Variants in PPIG observed in about 807,000 individuals in gnomAD.
PPIG encodes peptidyl-prolyl cis-trans isomerase G.
PPIG carries 26 observed loss-of-function variants against 87.9 expected under a neutral mutation model. The observed-to-expected ratio is 0.30, with a 90% confidence interval of 0.22 to 0.41. The LOEUF is 0.41. Among genes scored for constraint, PPIG ranks in the 10% least tolerant of loss-of-function variants. The pLI is 1.00. For synonymous variants in PPIG, 308 were observed against 276.5 expected (o/e 1.11, Z -1.13); for missense variants, 722 against 879.4 (o/e 0.82, Z 2.26).
At chr2:169,622,271 AAAG>A (rs1685778822) in intron 9 of PPIG, among the ~76,000 whole-genome samples, 1 of 152,250 alleles carries the variant, frequency 6.6e-6, no homozygotes, top group African/African-American at 2.4e-5. Flanking sequence ...AAATAAAAAA[AAAG>A]AAGTTTGCAT....
At chr2:169,622,610 A>G (rs1202327072) in intron 9 of PPIG, among the ~76,000 whole-genome samples, 1 of 152,190 alleles carries the variant, frequency 6.6e-6, no homozygotes, top group South Asian at 2.1e-4. Context: ...GTATCTGCCC[A>G]GGAGTTTCTA....
At chr2:169,600,366 C>T (rs896041394) in intron 1 of PPIG, among the ~76,000 whole-genome samples, 2 of 152,174 alleles carry the variant, frequency 1.3e-5, no homozygotes, top group Admixed American at 6.6e-5. Context: ...TGAGCCACTG[C>T]TCCCAGCCTC....
chr2:169,631,830 G>C lies in PPIG; in HGVS notation c.826G>C (p.Glu276Gln), dbSNP rs369110191. ...ACCCCAGTCTACTGTCCGTCCAGAA[G>C]AGATCCCTCCTATACCTGAAAATAG... ...AQPQSTVRPE[E>Q]IPPIPENRFL... is the part of the protein sequence containing the mutation. The change falls in exon 11 of 14, where the codon GAG becomes CAG. Residue 276 changes from glutamate (E) to glutamine (Q), a missense_variant. Glu to Gln is a conservative substitution (Grantham distance 29). Around this residue, in one of 4 missense-constraint regions of PPIG, gnomAD observed 142 missense variants for 152.8 expected, o/e 0.93. Transcript: ENST00000260970. 3 of 1,613,798 alleles carry C rather than the reference G, an allele frequency of 1.9e-6. No individual in the cohort carries two copies. Among genetic ancestry groups the C allele is most frequent in the African/African-American group, 2.7e-5 (2 of 75,014 alleles).
chr2:169,633,175 C>T lies in PPIG; in HGVS notation c.945C>T (p.Ser315=). Residue 315 remains serine, a synonymous_variant, in exon 12 of 14, where the codon TCC becomes TCT. Coordinates refer to ENST00000260970, the MANE Select transcript of PPIG (RefSeq NM_004792.3). ...TTCCTTCTAGTAATCCACCTAACTC[C>T]CAGCCTGCTTCATACCAGAGACGAC... is the stretch of plus-strand genomic sequence containing the variant. ...ERERECNPPN[S]QPASYQRRLL... 1 of 1,609,074 alleles carries T rather than the reference C, an allele frequency of 6.2e-7. No homozygotes were observed. The highest frequency in any genetic ancestry group is 8.5e-7 in the Non-Finnish European group (1 of 1,176,650).
chr2:169,620,313 A>G (rs1685711421), intron 9 of PPIG, among the ~76,000 whole-genome samples: 1 of 152,104 alleles, frequency 6.6e-6, no homozygotes, highest in Non-Finnish European at 1.5e-5. Flanking sequence ...TAGTTGTTCC[A>G]ACACCGTTTA....
chr2:169,609,081 C>CAAA (rs577846491), intron 7 of PPIG, among the ~76,000 whole-genome samples: 1 of 105,854 alleles, frequency 9.4e-6, no homozygotes. Flanking sequence ...AAGACTGTCT[C>CAAA]AAAAAAAAAA....
intron 9 of PPIG, among the ~76,000 whole-genome samples, chr2:169,620,363 A>G (rs753275407): frequency 2.6e-5 from 4 of 151,662 alleles, no homozygotes; most frequent in African/African-American, 9.7e-5. Context: ...GTTCTTGGCA[A>G]TTTTGTTTTT....
Position 169,611,972 on chromosome 2 carries a change from C to CTATT in PPIG, c.378-2474_378-2471dup, listed in dbSNP as rs199977660. On this transcript the variant is annotated intron_variant, in intron 7 of 13. Coordinates refer to ENST00000260970, the MANE Select transcript of PPIG (RefSeq NM_004792.3). ...GTGTACAATTCAGTCTTGTTTATAG[C>CTATT]TATTTATTTATTTATTTATTTGAGA... is the stretch of plus-strand genomic sequence containing the variant. Among the ~76,000 whole-genome samples, 1,386 of 152,006 alleles carry CTATT rather than the reference C, an allele frequency of 9.1e-3. 7 individuals carry two copies. The highest frequency in any genetic ancestry group is 0.018 in the African/African-American group (730 of 41,496).
At chr2:169,591,281 G>A (rs1475535412) in intron 1 of PPIG, among the ~76,000 whole-genome samples, 3 of 151,998 alleles carry the variant, frequency 2.0e-5, no homozygotes, top group African/African-American at 7.3e-5. Context: ...ACATGAACTG[G>A]TTACCTCTTA....
intron 1 of PPIG, among the ~76,000 whole-genome samples, chr2:169,589,762 A>G (rs1684808416): frequency 1.3e-5 from 2 of 152,198 alleles, no homozygotes; most frequent in African/African-American, 4.8e-5. Context: ...TACTGGTGGT[A>G]GGTTCTGGGA....
chr2:169,587,179 C>T (rs1220758101), intron 1 of PPIG, among the ~76,000 whole-genome samples: 3 of 152,036 alleles, frequency 2.0e-5, no homozygotes, highest in African/African-American at 2.4e-5. Flanking sequence ...GTAATCCATC[C>T]GCCTCCGCCT....
At position 169,639,301 on chromosome 2, in the gene PPIG, T is replaced by A. The variant is rs1022818229; in HGVS notation, c.*1778T>A. 4.6e-5 allele frequency: 7 copies of A among 152,106 alleles called. No homozygotes were observed. The highest frequency in any genetic ancestry group is 1.7e-4 in the African/African-American group (7 of 41,452). The allele number at this position is 152,106 out of a possible 1,614,324, so 9.4% of individuals were successfully genotyped here. On this transcript the variant is annotated 3_prime_UTR_variant, in exon 14 of 14. Transcript: ENST00000260970. The stretch of plus-strand genomic sequence containing the variant: ...CCAAGCTATATAACGTTATGTAGTT[T>A]AAGCAAGTTATTGTTTGTCTTAATT...
intron 9 of PPIG, among the ~76,000 whole-genome samples, chr2:169,623,153 G>A (rs1293004602): frequency 6.6e-6 from 1 of 152,098 alleles, no homozygotes; most frequent in Non-Finnish European, 1.5e-5. Context: ...ATGCAGAGAT[G>A]GAACACTGGA....
intron 9 of PPIG, among the ~76,000 whole-genome samples, chr2:169,616,952 GT>G (rs1251966975): frequency 3.9e-5 from 6 of 152,138 alleles, no homozygotes; most frequent in African/African-American, 1.4e-4. Flanking sequence ...TATTGCCTAG[GT>G]TTTATTCTAG....
At chr2:169,609,803 G>A (rs758728233) in intron 7 of PPIG, among the ~76,000 whole-genome samples, 46 of 152,132 alleles carry the variant, frequency 3.0e-4, no homozygotes, top group Non-Finnish European at 5.4e-4. Flanking sequence ...ACTGACCCAG[G>A]CAAGAATCTT....
chr2:169,605,527 G>T (rs1301012229), intron 4 of PPIG, among the ~76,000 whole-genome samples: 1 of 151,626 alleles, frequency 6.6e-6, no homozygotes, highest in Non-Finnish European at 1.5e-5. Context: ...GAGGCCAAGT[G>T]TGGTGGCCCA....
intron 9 of PPIG, among the ~76,000 whole-genome samples, chr2:169,630,458 C>T (rs1686013695): frequency 6.6e-6 from 1 of 152,186 alleles, no homozygotes; most frequent in Non-Finnish European, 1.5e-5. Context: ...AAGATTAGAA[C>T]ATGGGACTCT....
rs546698847 is a variant in PPIG at position 169,640,309 on chromosome 2, A to T, written c.*2786A>T. 3.9e-5 allele frequency: 6 copies of T among 152,324 alleles called. No individual in the cohort carries two copies. In the East Asian group the frequency reaches 1.2e-3, roughly 29 times the overall value. 9.4% of individuals were successfully genotyped at this position (152,324 alleles called of 1,614,324 possible). On this transcript the variant is annotated 3_prime_UTR_variant, in exon 14 of 14. Coordinates refer to ENST00000260970, the MANE Select transcript of PPIG (RefSeq NM_004792.3). ...GACCTTTGATATTTGTGCCTAGTGGAAGGTATGGAGCTAAACAATTAAAGA... is the reference window on the plus strand; with the variant it reads ...GACCTTTGATATTTGTGCCTAGTGGTAGGTATGGAGCTAAACAATTAAAGA...
At chr2:169,603,904 T>C in intron 2 of PPIG, 122 bp from the exon 3 acceptor site, 3 of 748,524 alleles carry the variant, frequency 4.0e-6, no homozygotes, top group Non-Finnish European at 6.5e-6. Flanking sequence ...CTCATAGAAA[T>C]AAATATCAAA....
Sources: allele counts gnomAD v4.1 joint callset (sites outside exome capture counted in the v4.1 genomes callset), GRCh38; gene constraint gnomAD v4.1.1; regional missense constraint gnomAD v4.1.1; transcripts MANE v1.5; gene names NCBI Gene and HGNC (gene_info 2026-07-23, HGNC 2026-07-21).